The following DHTKD1 variants were observed in gnomAD, a reference collection of about 807,000 sequenced individuals.
The protein encoded by DHTKD1 is dehydrogenase E1 and transketolase domain containing 1.
In DHTKD1, 78 loss-of-function variants were observed where a neutral mutation model predicts 101.8. The ratio of observed to expected loss-of-function variants is 0.77; its 90% CI spans 0.64 to 0.93. The LOEUF (loss-of-function observed/expected upper bound fraction) is 0.93, where lower values mean the gene tolerates loss of function less well. Among genes scored for constraint, DHTKD1 ranks in the 40% least tolerant of loss-of-function variants. DHTKD1 has a pLI of 0.00. For missense variants in DHTKD1, 1,223 were observed against 1,161.7 expected, an observed-to-expected ratio of 1.05 and a Z score of -0.77; for synonymous variants, 462 against 450.3, an observed-to-expected ratio of 1.03 and a Z score of -0.33.
intron 13 of DHTKD1, 73 bp downstream of exon 13, chr10:12,113,137 A>G: frequency 7.8e-7 from 1 of 1,273,962 alleles, no homozygotes; most frequent in Non-Finnish European, 1.1e-6. Context: ...TATTTTCCAT[A>G]TCTAATTATA....
chr10:12,083,362 C>T (rs1245200579), intron 2 of DHTKD1, among the ~76,000 whole-genome samples: 5 of 151,940 alleles, frequency 3.3e-5, no homozygotes, highest in Admixed American at 2.6e-4. Flanking sequence ...TCAAAGCTGT[C>T]CTGGGCCACA....
Position 12,081,475 on chromosome 10 carries a change from A to T in DHTKD1, c.158A>T (p.Asp53Val). The change falls in exon 2 of 17, where the codon GAT (aspartate) becomes GTT (valine). Residue 53 changes from aspartate to valine, a missense_variant. By Grantham distance (152) the Asp-to-Val change is radical (BLOSUM62 -3). Transcript: ENST00000263035. ...TTTAAATTTTCCCCTGATTTAGTTG[A>T]TCATGGCCTTGCCAGGTTGGTGACA... ...PQGALERPPV[D>V]HGLARLVTVY... is the part of the protein sequence containing the mutation. The T allele has an allele frequency of 6.2e-7, 1 of 1,614,000 alleles. No individual in the cohort carries two copies. Among genetic ancestry groups the T allele is most frequent in the Non-Finnish European group, 8.5e-7 (1 of 1,179,918 alleles).
Position 12,072,824 on chromosome 10 carries a change from C to T in DHTKD1, c.154+3637C>T, listed in dbSNP as rs540687657. Among the ~76,000 whole-genome samples, 201 of 151,968 alleles carry T rather than the reference C, an allele frequency of 1.3e-3. 2 individuals carry two copies. The highest frequency in any genetic ancestry group is 2.5e-3 in the Non-Finnish European group (169 of 67,974). ...CGATCTCAGCTCACCACAACCTCTG[C>T]CTCCTGGGTTCAAGTGATTCTCCTG... On this transcript the variant is annotated intron_variant, in intron 1 of 16. Transcript: ENST00000263035.
chr10:12,090,693 G>A (rs2131359927), intron 5 of DHTKD1, among the ~76,000 whole-genome samples: 1 of 152,020 alleles, frequency 6.6e-6, no homozygotes, highest in South Asian at 2.1e-4. Context: ...TGCTGGGTTG[G>A]CCAAGCTGGT....
intron 1 of DHTKD1, among the ~76,000 whole-genome samples, chr10:12,076,808 G>A (rs1006074268): frequency 2.8e-4 from 43 of 151,844 alleles, no homozygotes; most frequent in Non-Finnish European, 5.0e-4. Flanking sequence ...ACAGGTGCCC[G>A]CCACCACGCC....
rs55809304 is a variant in DHTKD1, at chr10:12,103,491, CTG to C, written c.1896+2346_1896+2347del. Among the ~76,000 whole-genome samples, 17,955 of 144,802 alleles carry C rather than the reference CTG, an allele frequency of 0.12. 1,166 individuals carry two copies. Among genetic ancestry groups the C allele is most frequent in the African/African-American group, 0.18 (6,904 of 39,316 alleles). The allele number at this position is 144,802 out of a possible 152,430, so 95.0% of individuals were successfully genotyped here. On this transcript the variant is annotated intron_variant, in intron 10 of 16. Coordinates refer to ENST00000263035, the MANE Select transcript of DHTKD1 (RefSeq NM_018706.7). The surrounding 1 kb of genome is among the most constrained non-coding windows in gnomAD (Gnocchi z 4.8). Reference sequence around the variant, plus strand: ...CCCCAACTTCGTTGTACATCTCAATCTGTGTGTGTGTGTGTGTGTGTGTGTGT... The same window carrying C: ...CCCCAACTTCGTTGTACATCTCAATCTGTGTGTGTGTGTGTGTGTGTGTGT...
chr10:12,110,230 G>T lies in DHTKD1; in HGVS notation c.2154+2215G>T, dbSNP rs1833308525. The stretch of plus-strand genomic sequence containing the variant: ...GGGGAATGGTGTGAACCTGGGAGGC[G>T]GAGCTTGCAGTGAGCTGAGATTGCG... On this transcript the variant is annotated intron_variant, in intron 12 of 16. Transcript: ENST00000263035. The surrounding 1 kb of genome is among the most constrained non-coding windows in gnomAD (Gnocchi z 4.9). 6.6e-6 allele frequency among the ~76,000 whole-genome samples: 1 copy of T among 152,174 alleles called. No individual in the cohort carries two copies.
intron 3 of DHTKD1, among the ~76,000 whole-genome samples, chr10:12,085,698 G>C (rs1414406492): frequency 6.6e-6 from 1 of 152,082 alleles, no homozygotes; most frequent in East Asian, 1.9e-4. Context: ...GGCCAACATG[G>C]TGAAACCCCG....
At chr10:12,071,996 TTGAGA>T (rs1832657260) in intron 1 of DHTKD1, among the ~76,000 whole-genome samples, 1 of 152,218 alleles carries the variant, frequency 6.6e-6, no homozygotes, top group Non-Finnish European at 1.5e-5. Flanking sequence ...TTTTTATTTT[TTGAGA>T]TGAGATCTTT....
At chr10:12,083,710 G>T (rs1421925536) in intron 2 of DHTKD1, among the ~76,000 whole-genome samples, 1 of 151,994 alleles carries the variant, frequency 6.6e-6, no homozygotes, top group Non-Finnish European at 1.5e-5. Context: ...CTCCAGCCTG[G>T]GCAACAAGAG....
intron 1 of DHTKD1, among the ~76,000 whole-genome samples, chr10:12,074,681 C>G (rs1832700376): frequency 6.7e-6 from 1 of 150,214 alleles, no homozygotes; most frequent in Non-Finnish European, 1.5e-5. Flanking sequence ...GGCTGGAATG[C>G]AGTGGCCAAA....
Position 12,087,417 on chromosome 10 carries a change from A to G in DHTKD1, c.523-118A>G, listed in dbSNP as rs1832919170. On this transcript the variant is annotated intron_variant, in intron 3 of 16. Coordinates refer to ENST00000263035, the MANE Select transcript of DHTKD1 (RefSeq NM_018706.7). This position sits in a 1 kb window ranked among gnomAD's most constrained non-coding sequence, Gnocchi z 5.2. ...TCTCCGGGATATGTAGTAAAGTGGC[A>G]TTGCTGTGGCCACTTGGGGAGTGTG... is the stretch of plus-strand genomic sequence containing the variant. 1 of 776,126 alleles carries G rather than the reference A, an allele frequency of 1.3e-6. No homozygotes were observed. The highest frequency in any genetic ancestry group is 3.0e-5 in the Admixed American group (1 of 33,692). The allele number at this position is 776,126 out of a possible 1,614,324, so 48.1% of individuals were successfully genotyped here.
intron 13 of DHTKD1, chr10:12,116,379 C>T (rs1833416691): frequency 6.6e-6 from 1 of 152,036 alleles, no homozygotes; most frequent in South Asian, 2.1e-4. Flanking sequence ...AAAATGAGCA[C>T]AGAAGGCAAT....
Position 12,118,911 on chromosome 10 carries a change from T to A in DHTKD1, c.2565T>A (p.His855Gln). The change falls in exon 15 of 17, where the codon CAT becomes CAA. Residue 855 changes from histidine to glutamine, a missense_variant. By Grantham distance (24) the His-to-Gln change is conservative. Coordinates refer to ENST00000263035, the MANE Select transcript of DHTKD1 (RefSeq NM_018706.7). ...AGCAAGAGATGAGCAAATACAAACA[T>A]GTTAAAGGTAAGAGGTTGTTCTCAT... ...SLQQEMSKYK[H>Q]VKDHIWSQEE... 2 of 1,568,308 alleles carry A rather than the reference T, an allele frequency of 1.3e-6. No individual in the cohort carries two copies. The highest frequency in any genetic ancestry group is 1.7e-6 in the Non-Finnish European group (2 of 1,157,908).
At chr10:12,095,223 G>A (rs1461806809) in intron 7 of DHTKD1, among the ~76,000 whole-genome samples, 1 of 152,152 alleles carries the variant, frequency 6.6e-6, no homozygotes, top group Non-Finnish European at 1.5e-5. Flanking sequence ...AGTGGCTATT[G>A]AGTACTTGAA....
intron 8 of DHTKD1, among the ~76,000 whole-genome samples, chr10:12,099,012 A>T (rs1764562475): frequency 1.3e-5 from 2 of 152,246 alleles, no homozygotes; most frequent in Admixed American, 6.6e-5. Flanking sequence ...GCTAGTAAAG[A>T]TTAAAAAATT....
chr10:12,101,484 G>A (rs989259449), intron 10 of DHTKD1, among the ~76,000 whole-genome samples: 41 of 152,186 alleles, frequency 2.7e-4, no homozygotes, highest in African/African-American at 8.2e-4. Context: ...ATTAAAGTTA[G>A]TCAAAGATAT....
At chr10:12,111,371 G>T (rs183232379) in intron 12 of DHTKD1, among the ~76,000 whole-genome samples, 1 of 152,282 alleles carries the variant, frequency 6.6e-6, no homozygotes, top group Admixed American at 6.5e-5. Flanking sequence ...TCACCATGTT[G>T]ACCAGGCTGC....
At chr10:12,114,952 C>T (rs569918987) in intron 13 of DHTKD1, among the ~76,000 whole-genome samples, 12 of 152,152 alleles carry the variant, frequency 7.9e-5, no homozygotes, top group East Asian at 3.9e-4. Flanking sequence ...CCTGCCACCA[C>T]GACCTGCTAA....
Sources: allele counts gnomAD v4.1 joint callset (sites outside exome capture counted in the v4.1 genomes callset), GRCh38; gene constraint gnomAD v4.1.1; non-coding constraint Gnocchi (gnomAD v3.1); transcripts MANE v1.5; gene names NCBI Gene and HGNC (gene_info 2026-07-23, HGNC 2026-07-21).